Variants in CAB39 observed in about 807,000 individuals in gnomAD.
CAB39 encodes calcium binding protein 39.
In CAB39, 8 loss-of-function variants were observed where a neutral mutation model predicts 40.0. The ratio of observed to expected loss-of-function variants is 0.20; its 90% CI spans 0.12 to 0.36. CAB39 has a LOEUF of 0.36. Ranked by LOEUF, CAB39 falls within the 10% of genes least tolerant of loss-of-function variation. CAB39 has a pLI of 1.00. For missense variants in CAB39, 270 were observed against 401.1 expected (o/e 0.67, Z 2.79); for synonymous variants, 156 against 141.6 (o/e 1.10, Z -0.72).
At chr2:230,811,416 G>A (rs1403167351) in intron 6 of CAB39, among the ~76,000 whole-genome samples, 1 of 152,028 alleles carries the variant, frequency 6.6e-6, no homozygotes, top group Non-Finnish European at 1.5e-5. Flanking sequence ...AAAATTGCTG[G>A]TCCTTTATTT....
chr2:230,756,161 A>G (rs558594434), intron 1 of CAB39, among the ~76,000 whole-genome samples: 1 of 152,350 alleles, frequency 6.6e-6, no homozygotes, highest in Non-Finnish European at 1.5e-5. Flanking sequence ...TTGCTTAACA[A>G]CTGGGATGGA....
intron 1 of CAB39, among the ~76,000 whole-genome samples, chr2:230,740,833 G>T (rs1219706578): frequency 6.6e-6 from 1 of 152,198 alleles, no homozygotes; most frequent in Non-Finnish European, 1.5e-5. Flanking sequence ...GACCCCTGCA[G>T]TAGTATACAA....
At chr2:230,763,451 G>A (rs1174112084) in intron 2 of CAB39, among the ~76,000 whole-genome samples, 1 of 152,048 alleles carries the variant, frequency 6.6e-6, no homozygotes, top group Non-Finnish European at 1.5e-5. Flanking sequence ...AATTAGCCAG[G>A]CACGGTGGCA....
intron 1 of CAB39, among the ~76,000 whole-genome samples, chr2:230,748,868 A>ATATATATATATATATATATAT (rs1553669218): frequency 2.4e-5 from 3 of 123,388 alleles, no homozygotes; most frequent in Non-Finnish European, 5.2e-5. Flanking sequence ...ATATATATAT[A>ATATATATATATATATATATAT]ACAAAATGGT....
intron 1 of CAB39, among the ~76,000 whole-genome samples, chr2:230,732,823 G>T (rs961204017): frequency 1.3e-5 from 2 of 152,190 alleles, no homozygotes; most frequent in Non-Finnish European, 1.5e-5. Context: ...GCCTGGGTCA[G>T]TGTGGTTAGT....
chr2:230,793,430 C>G, intron 4 of CAB39, 99 bp downstream of exon 4: 1 of 520,618 alleles, frequency 1.9e-6, no homozygotes, highest in Non-Finnish European at 3.4e-6. Flanking sequence ...AGCATTTTCT[C>G]TGTAGTTAGA....
chr2:230,725,319 C>T (rs1694544685), intron 1 of CAB39: 1 of 1,574,876 alleles, frequency 6.3e-7, no homozygotes, highest in African/African-American at 1.4e-5. Context: ...TTGCCCAGGA[C>T]TTCACCAATC....
intron 1 of CAB39, chr2:230,752,277 A>G (rs1695104007): frequency 6.6e-6 from 1 of 152,154 alleles, no homozygotes; most frequent in African/African-American, 2.4e-5. Flanking sequence ...AATGGTCAGT[A>G]AATGTCCCAA....
chr2:230,812,461 T>C (rs1696322409), intron 6 of CAB39, among the ~76,000 whole-genome samples: 1 of 152,188 alleles, frequency 6.6e-6, no homozygotes, highest in African/African-American at 2.4e-5. Flanking sequence ...ATACATACTT[T>C]TCAGGCAGTT....
chr2:230,737,488 A>G (rs1427965875), intron 1 of CAB39, among the ~76,000 whole-genome samples: 3 of 152,176 alleles, frequency 2.0e-5, no homozygotes, highest in African/African-American at 7.2e-5. Flanking sequence ...TAACCCCAGC[A>G]TTTGGGGAGA....
At chr2:230,813,113 C>T (rs1285361578) in intron 6 of CAB39, among the ~76,000 whole-genome samples, 2 of 152,214 alleles carry the variant, frequency 1.3e-5, no homozygotes, top group Non-Finnish European at 2.9e-5. Context: ...AACAGTCATA[C>T]TAGTGCTGCA....
intron 4 of CAB39, among the ~76,000 whole-genome samples, chr2:230,797,409 A>G (rs777203203): frequency 6.6e-6 from 1 of 152,314 alleles, no homozygotes; most frequent in East Asian, 1.9e-4. Flanking sequence ...TATGTGGCCA[A>G]TCTCACCATA....
intron 2 of CAB39, among the ~76,000 whole-genome samples, chr2:230,762,973 T>G (rs1448451233): frequency 6.6e-6 from 1 of 152,216 alleles, no homozygotes; most frequent in East Asian, 1.9e-4. Flanking sequence ...CCTTTTATAC[T>G]CTTAAATTAT....
chr2:230,768,289 C>T (rs1331522612), intron 2 of CAB39, among the ~76,000 whole-genome samples: 1 of 152,130 alleles, frequency 6.6e-6, no homozygotes, highest in Non-Finnish European at 1.5e-5. Flanking sequence ...TGGCCAACTA[C>T]TGTATTATAT....
intron 1 of CAB39, among the ~76,000 whole-genome samples, chr2:230,749,146 T>C (rs1209850604): frequency 1.3e-5 from 2 of 151,682 alleles, no homozygotes; most frequent in African/African-American, 2.4e-5. Flanking sequence ...TATATACATA[T>C]GTTACTATTA....
intron 2 of CAB39, among the ~76,000 whole-genome samples, chr2:230,777,198 GA>G (rs531278095): frequency 6.4e-4 from 97 of 151,944 alleles, no homozygotes; most frequent in African/African-American, 2.3e-3. Context: ...AGACTATAAA[GA>G]AAAAAATTAA....
chr2:230,817,637 G>A (rs1696425387), intron 7 of CAB39, 117 bp from the exon 8 acceptor site: 1 of 731,820 alleles, frequency 1.4e-6, no homozygotes, highest in African/African-American at 1.8e-5. Flanking sequence ...CAGTTCTTCG[G>A]TCTTTTGAGT....
rs1382385146 is a variant in CAB39 at position 230,713,114 on chromosome 2, G to A, written c.-160G>A. ...GCAGGAGCGGGCGGAAGACAACGGA[G>A]GGGCCGAGCGTCCGAGCCACTCCGC... On this transcript the variant is annotated 5_prime_UTR_variant, in exon 1 of 9. Coordinates refer to ENST00000258418, the MANE Select transcript of CAB39 (RefSeq NM_016289.4). The A allele has an allele frequency of 6.6e-6, 1 of 151,828 alleles. No individual in the cohort carries two copies. Among genetic ancestry groups the A allele is most frequent in the African/African-American group, 2.4e-5 (1 of 41,396 alleles). The allele number at this position is 151,828 out of a possible 1,614,324, so 9.4% of individuals were successfully genotyped here.
chr2:230,765,530 C>G (rs1207638697), intron 2 of CAB39, among the ~76,000 whole-genome samples: 1 of 152,026 alleles, frequency 6.6e-6, no homozygotes. Flanking sequence ...GGAGAATGTC[C>G]TAATTTAGGT....
Sources: allele counts gnomAD v4.1 joint callset (sites outside exome capture counted in the v4.1 genomes callset), GRCh38; gene constraint gnomAD v4.1.1; transcripts MANE v1.5; gene names NCBI Gene and HGNC (gene_info 2026-07-23, HGNC 2026-07-21).